Variants in SGCE observed in about 807,000 individuals in gnomAD.
SGCE encodes sarcoglycan epsilon.
SGCE carries 26 observed loss-of-function variants against 57.8 expected under a neutral mutation model. The ratio of observed to expected loss-of-function variants is 0.45; its 90% confidence interval spans 0.33 to 0.62. SGCE has a LOEUF of 0.62. Ranked by LOEUF, SGCE falls within the 20% of genes least tolerant of loss-of-function variation. The pLI is 0.02. For missense variants in SGCE, 468 were observed against 548.6 expected (o/e 0.85, Z 1.47); for synonymous variants, 183 against 189.5 (o/e 0.97, Z 0.28).
intron 1 of SGCE, 87 bp downstream of exon 1, chr7:94,655,903 C>T (rs1808587728): frequency 1.2e-6 from 1 of 814,744 alleles, no homozygotes; most frequent in Admixed American, 2.0e-5. Context: ...CCAAAGGGCG[C>T]GCTCAGGCGC....
chr7:94,614,135 G>T (rs1344986973), intron 5 of SGCE, among the ~76,000 whole-genome samples: 2 of 138,844 alleles, frequency 1.4e-5, no homozygotes, highest in South Asian at 2.3e-4. Flanking sequence ...AAAAAACACA[G>T]TAAATGTCAT....
At chr7:94,645,806 T>C (rs1414497229) in intron 1 of SGCE, among the ~76,000 whole-genome samples, 1 of 152,136 alleles carries the variant, frequency 6.6e-6, no homozygotes, top group Non-Finnish European at 1.5e-5. Flanking sequence ...CCCCCAAAAA[T>C]GAAAACTATT....
At chr7:94,599,623 A>C in intron 8 of SGCE, 74 bp downstream of exon 8, 1 of 1,114,202 alleles carries the variant, frequency 9.0e-7, no homozygotes, top group Non-Finnish European at 1.4e-6. Flanking sequence ...CTTGACACAC[A>C]TGTATGGAGC....
Position 94,619,020 on chromosome 7 carries a change from A to C in SGCE, c.464-64T>G. 3.3e-6 allele frequency: 4 copies of C among 1,209,950 alleles called. No individual in the cohort carries two copies. The Admixed American group carries it at 6.7e-5, about 20-fold the overall frequency. The allele number at this position is 1,209,950 out of a possible 1,614,324, so 75.0% of individuals were successfully genotyped here. On this transcript the variant is annotated intron_variant, in intron 4 of 10. Transcript: ENST00000648936. ...AGTAGTCTTTTAAAAAGGAAACAAA[A>C]GAACAATTTGCGATTTGTTGAGTTC... is the stretch of plus-strand genomic sequence containing the variant.
At chr7:94,624,939 T>G (rs1803448036) in intron 3 of SGCE, 1 of 151,996 alleles carries the variant, frequency 6.6e-6, no homozygotes, top group South Asian at 2.1e-4. Context: ...AGGAAGAATT[T>G]TATTACCTGA....
At chr7:94,588,822 T>C (rs1487306679) in intron 9 of SGCE, 90 bp from the exon 10 acceptor site, 11 of 1,456,744 alleles carry the variant, frequency 7.6e-6, no homozygotes, top group Non-Finnish European at 1.1e-5. Context: ...ACTTTACGGG[T>C]AAACTATGAC....
intron 10 of SGCE, chr7:94,588,452 C>G: frequency 7.5e-7 from 1 of 1,328,906 alleles, no homozygotes; most frequent in African/African-American, 1.5e-5. Flanking sequence ...CTTAATTAGA[C>G]AGGACCTCCA....
rs192630529 is a variant in SGCE, at chr7:94,627,999, A to G, written c.390+203T>C. On this transcript the variant is annotated intron_variant, in intron 3 of 10. Coordinates refer to ENST00000648936, the MANE Select transcript of SGCE (RefSeq NM_003919.3). ...ACAAATTTAGACTGTCATTTTTAATATAAAAGCTGAAACAAAAACTTTATA... is the reference window on the plus strand; with the variant it reads ...ACAAATTTAGACTGTCATTTTTAATGTAAAAGCTGAAACAAAAACTTTATA... 1,652 of 525,646 alleles carry G rather than the reference A, an allele frequency of 3.1e-3. 19 individuals are homozygous for G. The highest frequency in any genetic ancestry group is 0.02 in the South Asian group (701 of 35,248). 32.6% of individuals were successfully genotyped at this position (525,646 alleles called of 1,614,324 possible).
At chr7:94,603,608 T>C (rs2116726971) in intron 5 of SGCE, among the ~76,000 whole-genome samples, 156 bp from the exon 6 acceptor site, 1 of 152,292 alleles carries the variant, frequency 6.6e-6, no homozygotes, top group South Asian at 2.1e-4. Context: ...ATGATTCATG[T>C]AGGGGCTTCC....
intron 2 of SGCE, chr7:94,629,134 T>C (rs1804243212): frequency 6.6e-6 from 1 of 152,298 alleles, no homozygotes; most frequent in South Asian, 2.1e-4. Context: ...AATGATATGT[T>C]TTCTCTTGCT....
intron 8 of SGCE, chr7:94,599,442 T>C: frequency 4.2e-6 from 2 of 481,008 alleles, no homozygotes; most frequent in Non-Finnish European, 7.3e-6. Context: ...ATAATATAAA[T>C]GGTAAGTTAA....
At chr7:94,642,182 T>G (rs1806487392) in intron 1 of SGCE, among the ~76,000 whole-genome samples, 1 of 152,110 alleles carries the variant, frequency 6.6e-6, no homozygotes, top group Admixed American at 6.5e-5. Context: ...TGTATTCAAT[T>G]TAAAATATAT....
At chr7:94,593,944 C>T (rs1052043485) in intron 9 of SGCE, among the ~76,000 whole-genome samples, 2 of 151,994 alleles carry the variant, frequency 1.3e-5, no homozygotes, top group African/African-American at 4.8e-5. Context: ...AGGAGCTCTA[C>T]CATAACATAC....
chr7:94,632,532 C>CT (rs1435794591), intron 1 of SGCE, among the ~76,000 whole-genome samples: 1 of 152,080 alleles, frequency 6.6e-6, no homozygotes, highest in Non-Finnish European at 1.5e-5. Flanking sequence ...GGCTGCTTCA[C>CT]TTTAAGTATA....
chr7:94,603,178 C>T (rs1799543951), intron 6 of SGCE, 112 bp downstream of exon 6: 1 of 772,448 alleles, frequency 1.3e-6, no homozygotes, highest in East Asian at 2.7e-5. Context: ...AAGTCAACTG[C>T]AGTTAAAGTA....
Position 94,598,836 on chromosome 7 carries a change from T to C in SGCE, c.1192A>G (p.Ile398Val). 6.2e-7 allele frequency: 1 copy of C among 1,613,500 alleles called. No individual in the cohort carries two copies. The change falls in exon 9 of 11, where the codon ATA becomes GTA. Residue 398 changes from isoleucine to valine, a missense_variant. By Grantham distance (29) the Ile-to-Val change is conservative (BLOSUM62 3). Coordinates refer to ENST00000648936, the MANE Select transcript of SGCE (RefSeq NM_003919.3). ...PVFHPVTGEI[I>V]PPLHTDNYDS... ...TAGTTGTCTGTGTGTAAAGGAGGTA[T>C]GATTTCCCCAGTCACAGGGTGGAAC...
Position 94,598,771 on chromosome 7 carries a change from T to C in SGCE, c.1253+4A>G. ...AATAATTATGGCTCTAAGTGGACAC[T>C]TACTGCTGCGTTTGCATCAATGGCA... On this transcript the variant is annotated splice_donor_region_variant and intron_variant, in intron 9 of 10. Transcript: ENST00000648936. 2 of 1,595,928 alleles carry C rather than the reference T, an allele frequency of 1.3e-6. No individual in the cohort carries two copies. Among genetic ancestry groups the C allele is most frequent in the Non-Finnish European group, 1.7e-6 (2 of 1,163,390 alleles).
intron 2 of SGCE, chr7:94,629,074 A>G (rs1425163976): frequency 6.6e-6 from 1 of 152,252 alleles, no homozygotes; most frequent in Non-Finnish European, 1.5e-5. Context: ...TTCTTATACA[A>G]TATAATTTTC....
At chr7:94,620,672 A>C (rs2116895605) in intron 4 of SGCE, 1 of 152,340 alleles carries the variant, frequency 6.6e-6, no homozygotes, top group South Asian at 2.1e-4. Context: ...TTTTCTTAAA[A>C]AGTATCTAAA....
Sources: allele counts gnomAD v4.1 joint callset (sites outside exome capture counted in the v4.1 genomes callset), GRCh38; gene constraint gnomAD v4.1.1; transcripts MANE v1.5; gene names NCBI Gene and HGNC (gene_info 2026-07-23, HGNC 2026-07-21).